NOP56: variants seen among roughly 807,000 people sequenced by gnomAD.
NOP56 encodes nucleolar protein 56.
In NOP56, 31 loss-of-function variants were observed where a neutral mutation model predicts 58.3. The observed-to-expected ratio is 0.53, with a 90% CI of 0.40 to 0.72. NOP56 has a LOEUF of 0.72. Ranked by LOEUF, NOP56 falls within the 30% of genes least tolerant of loss-of-function variation. NOP56 has a pLI of 0.00. For synonymous variants in NOP56, 313 were observed against 282.8 expected (o/e 1.11, Z -1.07); for missense variants, 669 against 739.9 (o/e 0.90, Z 1.11).
In NOP56 at chr20:2,657,218, G is replaced by A; in HGVS notation, c.1419G>A (p.Glu473=). ...GCAGTAGTACTCCAGAGGAGTGTGA[G>A]GTCAGTAGGCAGCACGGCCCTGGCA... The part of the protein sequence containing the change: ...ENSSSTPEEC[E]EMSEKPKKKK... Residue 473 remains glutamate (E), a splice_region_variant and synonymous_variant, in exon 11 of 12, where the codon GAG becomes GAA. Coordinates refer to ENST00000329276, the MANE Select transcript of NOP56 (RefSeq NM_006392.4). 4 of 1,614,134 alleles carry A rather than the reference G, an allele frequency of 2.5e-6. No individual in the cohort carries two copies. Among genetic ancestry groups the A allele is most frequent in the Non-Finnish European group, 2.5e-6 (3 of 1,180,032 alleles).
intron 3 of NOP56, 137 bp from the exon 4 acceptor site, chr20:2,654,277 C>G (rs1285390757): frequency 4.5e-6 from 4 of 895,444 alleles, no homozygotes; most frequent in Non-Finnish European, 5.6e-6. Context: ...GTCTCCATGT[C>G]TCTGAGCAAT....
chr20:2,656,543 T>G lies in NOP56; in HGVS notation c.1153T>G (p.Phe385Val), dbSNP rs750501226. The stretch of plus-strand genomic sequence containing the variant: ...CAGTATTGCCTCACGAATCGATTGC[T>G]TCTCTGGTATGGGTGGGGGGGCGTT... ...KCSIASRIDC[F>V]SEVPTSVFGE... Residue 385 changes from phenylalanine to valine, a missense_variant, in exon 9 of 12, where the codon TTC becomes GTC. Physicochemically the swap from Phe to Val is conservative, Grantham distance 50 (BLOSUM62 -1). This residue lies in a region of NOP56 where 339 missense variants were observed against 430.5 expected (regional missense o/e 0.79). Coordinates refer to ENST00000329276, the MANE Select transcript of NOP56 (RefSeq NM_006392.4). 8.1e-6 allele frequency: 13 copies of G among 1,613,846 alleles called. No individual in the cohort carries two copies. Among genetic ancestry groups the G allele is most frequent in the Non-Finnish European group, 1.0e-5 (12 of 1,180,008 alleles).
chr20:2,654,479 C>G lies in NOP56; in HGVS notation c.274C>G (p.Leu92Val). ...THLPSKKKKV[L>V]LGVGDPKIGA... ...CCTGCCGTCCAAAAAGAAGAAAGTA[C>G]TCTTGGGAGTTGGGGATCCCAAGAT... The change falls in exon 4 of 12, where the codon CTC becomes GTC. Residue 92 changes from leucine to valine, a missense_variant. Transcript: ENST00000329276. The G allele has an allele frequency of 6.2e-7, 1 of 1,614,180 alleles. No individual in the cohort carries two copies. Among genetic ancestry groups the G allele is most frequent in the Admixed American group, 1.7e-5 (1 of 60,026 alleles).
rs1489302151 is a variant in NOP56, at chr20:2,652,888, T to G, written c.50T>G (p.Leu17Arg). The G allele has an allele frequency of 6.2e-7, 1 of 1,610,964 alleles. No individual in the cohort carries two copies. Among genetic ancestry groups the G allele is most frequent in the Non-Finnish European group, 8.5e-7 (1 of 1,178,998 alleles). ...GAGCACGCGGTCGGCTACGCGCTGC[T>G]GGCGCTGAAGGAAGTGGAGGAGATC... ...LFEHAVGYAL[L>R]ALKEVEEISL... Residue 17 changes from leucine to arginine, a missense_variant, in exon 2 of 12, where the codon CTG becomes CGG. Physicochemically the swap from Leu to Arg is moderately radical, Grantham distance 102. Coordinates refer to ENST00000329276, the MANE Select transcript of NOP56 (RefSeq NM_006392.4).
chr20:2,654,780 G>A lies in NOP56; in HGVS notation c.402G>A (p.Lys134=), dbSNP rs746633097. ...GTCTGCACTTCCACAATCTGGTGAAGGGTCTGACCGATCTGTCAGCTTGTA... is the reference window on the plus strand; with the variant it reads ...GTCTGCACTTCCACAATCTGGTGAAAGGTCTGACCGATCTGTCAGCTTGTA... The part of the protein sequence containing the change: ...GVRLHFHNLV[K]GLTDLSACKA... The change falls in exon 5 of 12, where the codon AAG becomes AAA. Residue 134 remains lysine (K), a synonymous_variant. Coordinates refer to ENST00000329276, the MANE Select transcript of NOP56 (RefSeq NM_006392.4). 4.3e-6 allele frequency: 7 copies of A among 1,613,964 alleles called. No individual in the cohort carries two copies. The African/African-American group carries it at 8.0e-5, about 18-fold the overall frequency.
intron 5 of NOP56, 57 bp from the exon 6 acceptor site, chr20:2,655,268 A>G: frequency 1.9e-6 from 3 of 1,598,662 alleles, no homozygotes; most frequent in Non-Finnish European, 2.6e-6. Context: ...GCAAGGCTGT[A>G]GCTCTATGGT....
At chr20:2,653,433 T>C (rs2086777418) in intron 3 of NOP56, 40 bp downstream of exon 3, 2 of 1,537,190 alleles carry the variant, frequency 1.3e-6, no homozygotes, top group Non-Finnish European at 1.8e-6. Context: ...GAGATGTGGT[T>C]CCTTTCGGTA....
rs2086835983 is a variant in NOP56, at chr20:2,657,226, G to A, written c.1419+8G>A. ...ACTCCAGAGGAGTGTGAGGTCAGTA[G>A]GCAGCACGGCCCTGGCAGAGATCCT... On this transcript the variant is annotated splice_region_variant and intron_variant, in intron 11 of 11. Coordinates refer to ENST00000329276, the MANE Select transcript of NOP56 (RefSeq NM_006392.4). 6.2e-7 allele frequency: 1 copy of A among 1,614,042 alleles called. No homozygotes were observed.
intron 5 of NOP56, 24 bp downstream of exon 5, chr20:2,654,971 A>G: frequency 3.7e-6 from 6 of 1,612,692 alleles, no homozygotes; most frequent in Non-Finnish European, 5.1e-6. Flanking sequence ...GCCACCCATA[A>G]TACTGGAGCC....
At chr20:2,655,082 A>T in intron 5 of NOP56, 135 bp downstream of exon 5, 1 of 1,159,604 alleles carries the variant, frequency 8.6e-7, no homozygotes, top group Non-Finnish European at 1.3e-6. Flanking sequence ...CCTGGTGCTT[A>T]CCACAGGCTG....
chr20:2,652,716 C>A (rs1358529951), intron 1 of NOP56, 53 bp downstream of exon 1: 1 of 1,419,764 alleles, frequency 7.0e-7, no homozygotes, highest in Non-Finnish European at 9.2e-7. Flanking sequence ...TTTCGGCCTG[C>A]GTTCGGGCCG....
rs1326067367 is a variant in NOP56 at position 2,655,385 on chromosome 20, C to T, written c.630C>T (p.Tyr210=). The change falls in exon 6 of 12, where the codon TAC becomes TAT. Residue 210 remains tyrosine (Y), a synonymous_variant. Coordinates refer to ENST00000329276, the MANE Select transcript of NOP56 (RefSeq NM_006392.4). The part of the protein sequence containing the change: ...LVKIINDNAT[Y]CRLAQFIGNR... ...AGATCATCAACGACAATGCCACATA[C>T]TGCCGTCTTGCCCAGTTTATTGGAA... 1 of 1,614,026 alleles carries T rather than the reference C, an allele frequency of 6.2e-7. No homozygotes were observed. Among genetic ancestry groups the T allele is most frequent in the East Asian group, 2.2e-5 (1 of 44,890 alleles).
Position 2,657,196 on chromosome 20 carries a change from G to A in NOP56, c.1397G>A (p.Ser466Asn). Residue 466 changes from serine to asparagine, a missense_variant, in exon 11 of 12, where the codon AGT (serine) becomes AAT (asparagine). By Grantham distance (46) the Ser-to-Asn change is conservative. Transcript: ENST00000329276. ...ALALASSENS[S>N]STPEECEEMS... Reference sequence around the variant, plus strand: ...GCCCTCGCGTCTTCAGAAAACAGCAGTAGTACTCCAGAGGAGTGTGAGGTC... The same window carrying A: ...GCCCTCGCGTCTTCAGAAAACAGCAATAGTACTCCAGAGGAGTGTGAGGTC... 1 of 1,614,098 alleles carries A rather than the reference G, an allele frequency of 6.2e-7. No individual in the cohort carries two copies. The highest frequency in any genetic ancestry group is 2.2e-5 in the East Asian group (1 of 44,878).
chr20:2,654,740 T>A lies in NOP56; in HGVS notation c.371-9T>A. 1 of 1,610,166 alleles carries A rather than the reference T, an allele frequency of 6.2e-7. No homozygotes were observed. Among genetic ancestry groups the A allele is most frequent in the South Asian group, 1.1e-5 (1 of 91,080 alleles). ...CCCCTTGTTGCTCACCGTCTTGCCC[T>A]CTTCTTAGGAGTTCGTCTGCACTTC... On this transcript the variant is annotated splice_polypyrimidine_tract_variant and intron_variant, in intron 4 of 11. Coordinates refer to ENST00000329276, the MANE Select transcript of NOP56 (RefSeq NM_006392.4).
chr20:2,653,478 C>A, intron 3 of NOP56, 85 bp downstream of exon 3: 1 of 1,100,334 alleles, frequency 9.1e-7, no homozygotes, highest in Non-Finnish European at 1.4e-6. Flanking sequence ...ATTTGCCGTC[C>A]TTGGCTGGCT....
Position 2,657,123 on chromosome 20 carries a change from CAGGAGAAGAAACGCTTAAAGA to C in NOP56, c.1329_1349del (p.Lys448_Leu454del). On this transcript the variant is annotated inframe_deletion, in exon 11 of 12. Coordinates refer to ENST00000329276, the MANE Select transcript of NOP56 (RefSeq NM_006392.4). ...TGAGATTACTAGGAAGCTGGAGAAA[CAGGAGAAGAAACGCTTAAAGA>C]AGGAAAAGAAACGGCTGGCTGCACT... 1 of 1,614,166 alleles carries C rather than the reference CAGGAGAAGAAACGCTTAAAGA, an allele frequency of 6.2e-7. No homozygotes were observed. Among genetic ancestry groups the C allele is most frequent in the Non-Finnish European group, 8.5e-7 (1 of 1,180,038 alleles).
chr20:2,652,792 C>A, intron 1 of NOP56, 50 bp from the exon 2 acceptor site: 1 of 1,544,520 alleles, frequency 6.5e-7, no homozygotes, highest in Non-Finnish European at 8.7e-7. Flanking sequence ...GAACGGGTTC[C>A]GGCAGACGCT....
At chr20:2,657,050 T>A in intron 10 of NOP56, 31 bp from the exon 11 acceptor site, 4 of 1,614,152 alleles carry the variant, frequency 2.5e-6, no homozygotes, top group Non-Finnish European at 3.4e-6. Flanking sequence ...CCAGAAGTCT[T>A]CAGGCCCTTT....
intron 3 of NOP56, 42 bp downstream of exon 3, chr20:2,653,435 C>CT (rs922750389): frequency 1.3e-6 from 2 of 1,525,422 alleles, no homozygotes; most frequent in African/African-American, 2.7e-5. Context: ...GATGTGGTTC[C>CT]TTTCGGTATC....
Sources: gnomAD v4.1 joint callset for allele counts on GRCh38, gnomAD v4.1.1 for gene constraint, gnomAD v4.1.1 regional missense constraint, MANE v1.5 for transcripts, NCBI Gene and HGNC (gene_info 2026-07-23, HGNC 2026-07-21) for gene names.